TNRC6A: variants seen among roughly 807,000 people sequenced by gnomAD.
The protein encoded by TNRC6A is trinucleotide repeat containing adaptor 6A, also known as trinucleotide repeat-containing gene 6A protein.
A neutral mutation model predicts 221.2 loss-of-function variants in TNRC6A; 44 were observed. That is an observed-to-expected ratio of 0.20 (90% CI 0.16 to 0.26). TNRC6A has a LOEUF of 0.26. TNRC6A is among the 10% of genes least tolerant of loss of function. The pLI is 1.00. For missense variants in TNRC6A, 2,199 were observed against 2,404.4 expected (o/e 0.91, Z 1.79); for synonymous variants, 847 against 838.5 (o/e 1.01, Z -0.18).
chr16:24,656,225 G>T (rs1470808706), intron 2 of TNRC6A, among the ~76,000 whole-genome samples: 2 of 151,816 alleles, frequency 1.3e-5, no homozygotes, highest in Admixed American at 6.6e-5. Context: ...CACTTTGGGA[G>T]GCCAAGGCAG....
intron 2 of TNRC6A, among the ~76,000 whole-genome samples, chr16:24,720,639 C>G (rs1415750156): frequency 7.2e-6 from 1 of 139,226 alleles, no homozygotes; most frequent in Non-Finnish European, 1.5e-5. Context: ...TGCAGTGAGC[C>G]GAGATCATGC....
intron 4 of TNRC6A, among the ~76,000 whole-genome samples, chr16:24,773,804 C>T (rs1017654554): frequency 2.0e-5 from 3 of 151,058 alleles, no homozygotes; most frequent in East Asian, 1.9e-4. Context: ...TGTCTGATAT[C>T]AATATTGTTT....
chr16:24,695,013 G>A (rs2142159740), intron 2 of TNRC6A, among the ~76,000 whole-genome samples: 1 of 152,272 alleles, frequency 6.6e-6, no homozygotes, highest in Admixed American at 6.5e-5. Flanking sequence ...AGACCTGTTG[G>A]GCTGTTGGGG....
intron 2 of TNRC6A, among the ~76,000 whole-genome samples, chr16:24,644,965 A>C (rs1232557183): frequency 6.6e-6 from 1 of 152,202 alleles, no homozygotes; most frequent in African/African-American, 2.4e-5. Flanking sequence ...TGTTATTCTA[A>C]ATCTTTGACA....
chr16:24,616,251 G>T (rs747077548), intron 1 of TNRC6A, among the ~76,000 whole-genome samples: 1 of 150,858 alleles, frequency 6.6e-6, no homozygotes, highest in Non-Finnish European at 1.5e-5. Flanking sequence ...ACTTGAACCC[G>T]GGAGGCAGAG....
rs758486919 is a variant in TNRC6A at position 24,823,695 on chromosome 16, C to T, written c.5777C>T (p.Thr1926Ile). 2 of 1,604,588 alleles carry T rather than the reference C, an allele frequency of 1.2e-6. No individual in the cohort carries two copies. The highest frequency in any genetic ancestry group is 1.7e-5 in the Admixed American group (1 of 59,368). Reference protein sequence around the residue: ...TSLWGTPHYSTSLWGPPSSSD... With the variant: ...TSLWGTPHYSISLWGPPSSSD... ...CTCTGGGGGACCCCGCATTATTCCA[C>T]AAGCCTGTGGGGTCCCCCAAGCAGC... The change falls in exon 25 of 25, where the codon ACA (threonine) becomes ATA (isoleucine). Residue 1926 changes from threonine to isoleucine, a missense_variant. Thr to Ile is a moderately conservative substitution (Grantham distance 89). Transcript: ENST00000395799. This position sits in a 1 kb window ranked among gnomAD's most constrained non-coding sequence, Gnocchi z 4.3.
intron 21 of TNRC6A, 41 bp from the exon 22 acceptor site, chr16:24,820,098 A>G: frequency 3.2e-6 from 5 of 1,550,694 alleles, no homozygotes; most frequent in South Asian, 1.1e-5. Flanking sequence ...CCTTTCTTAA[A>G]CATTATTCCT....
intron 2 of TNRC6A, among the ~76,000 whole-genome samples, chr16:24,691,282 G>C (rs1457463358): frequency 6.6e-6 from 1 of 151,896 alleles, no homozygotes; most frequent in Non-Finnish European, 1.5e-5. Flanking sequence ...CAGTGGTGCA[G>C]TCATAGCTCA....
chr16:24,823,591 C>T lies in TNRC6A; in HGVS notation c.5673C>T (p.Phe1891=), dbSNP rs762234469. The part of the protein sequence containing the change: ...RLGSLDCSHS[F]SSRTDLNHWN... ...GCTCCCTCGACTGTTCCCACTCATT[C>T]TCCAGCCGGACCGATCTCAATCACT... The change falls in exon 25 of 25, where the codon TTC becomes TTT. Residue 1891 remains phenylalanine, a synonymous_variant. Transcript: ENST00000395799. The surrounding 1 kb of genome is among the most constrained non-coding windows in gnomAD (Gnocchi z 4.3). 5 of 1,614,172 alleles carry T rather than the reference C, an allele frequency of 3.1e-6. No homozygotes were observed. Among genetic ancestry groups the T allele is most frequent in the Non-Finnish European group, 4.2e-6 (5 of 1,180,018 alleles).
At chr16:24,792,613 CTTTTTTTTTTTTTT>C (rs34670934) in intron 6 of TNRC6A, among the ~76,000 whole-genome samples, 8 of 56,516 alleles carry the variant, frequency 1.4e-4, no homozygotes, top group Non-Finnish European at 1.7e-4. Flanking sequence ...ACATTTATGG[CTTTTTTTTTTTTTT>C]TTTTTTTTTT....
Position 24,737,224 on chromosome 16 carries a change from G to T in TNRC6A, c.53+6924G>T, listed in dbSNP as rs558596595. Among the ~76,000 whole-genome samples, 5 of 152,250 alleles carry T rather than the reference G, an allele frequency of 3.3e-5. No homozygotes were observed. In the East Asian group the frequency reaches 9.6e-4, roughly 29 times the overall value. On this transcript the variant is annotated intron_variant, in intron 2 of 24. Transcript: ENST00000395799. Reference sequence around the variant, plus strand: ...TTTAGTGCTCATTAGATCTCAAAGGGTCATTACTCCTCAAAGATTAAGAAA... The same window carrying T: ...TTTAGTGCTCATTAGATCTCAAAGGTTCATTACTCCTCAAAGATTAAGAAA...
chr16:24,798,243 C>T (rs533891346), intron 11 of TNRC6A: 18 of 250,042 alleles, frequency 7.2e-5, no homozygotes, highest in Non-Finnish European at 1.1e-4. Context: ...GGGAACAGCA[C>T]GTAGAAGGGC....
intron 2 of TNRC6A, among the ~76,000 whole-genome samples, chr16:24,641,938 G>T (rs964036606): frequency 6.6e-6 from 1 of 152,210 alleles, no homozygotes; most frequent in African/African-American, 2.4e-5. Flanking sequence ...GGGAGAAAAA[G>T]CTAAGGAGAA....
At chr16:24,711,812 T>G (rs1306964312) in intron 2 of TNRC6A, among the ~76,000 whole-genome samples, 1 of 152,086 alleles carries the variant, frequency 6.6e-6, no homozygotes, top group Non-Finnish European at 1.5e-5. Flanking sequence ...TTGCATACTT[T>G]TTATTTATTT....
At chr16:24,678,126 A>C (rs1273991032) in intron 2 of TNRC6A, among the ~76,000 whole-genome samples, 1 of 152,036 alleles carries the variant, frequency 6.6e-6, no homozygotes, top group Non-Finnish European at 1.5e-5. Context: ...CCTGGGCAAC[A>C]TGGCAAAACC....
intron 1 of TNRC6A, among the ~76,000 whole-genome samples, chr16:24,631,491 G>T (rs1217795519): frequency 6.6e-6 from 1 of 151,986 alleles, no homozygotes; most frequent in Non-Finnish European, 1.5e-5. Flanking sequence ...CATCCTAGGG[G>T]CTGGGTGTGG....
intron 1 of TNRC6A, among the ~76,000 whole-genome samples, chr16:24,612,427 C>G (rs1452801975): frequency 6.6e-6 from 1 of 151,476 alleles, no homozygotes; most frequent in Non-Finnish European, 1.5e-5. Flanking sequence ...AGCGTCCACA[C>G]AGTTAACCAC....
rs1555495705 is a variant in TNRC6A, at chr16:24,729,710, GGCGGCGGCA to G, written c.-127_-119del. ...CGGCGGCGGCGGCGGCGGCGGCGGC[GGCGGCGGCA>G]GCGGGTCGGTGTAGAAAATGGCGCT... is the stretch of plus-strand genomic sequence containing the variant. On this transcript the variant is annotated 5_prime_UTR_variant, in exon 1 of 25. Transcript: ENST00000395799. The G allele has an allele frequency of 4.6e-6, 5 of 1,093,072 alleles. No individual in the cohort carries two copies. The highest frequency in any genetic ancestry group is 5.9e-6 in the Non-Finnish European group (5 of 846,904). 67.7% of individuals were successfully genotyped at this position (1,093,072 alleles called of 1,614,324 possible). A position where few individuals can be genotyped will look rare whatever the true frequency, so the allele number is the denominator to read the frequency against.
At chr16:24,812,115 T>C (rs1339686850) in intron 18 of TNRC6A, among the ~76,000 whole-genome samples, 1 of 134,228 alleles carries the variant, frequency 7.5e-6, no homozygotes, top group African/African-American at 2.8e-5. Flanking sequence ...GTGATGCAAA[T>C]CTCTGCTCAC....
Sources: gnomAD v4.1 joint callset for allele counts (sites outside exome capture counted in the v4.1 genomes callset) on GRCh38, gnomAD v4.1.1 for gene constraint, Gnocchi (gnomAD v3.1) non-coding constraint, MANE v1.5 for transcripts, NCBI Gene and HGNC (gene_info 2026-07-23, HGNC 2026-07-21) for gene names.